The following NES variants were observed in gnomAD, a reference collection of about 807,000 sequenced individuals.
NES encodes the protein nestin.
A neutral mutation model predicts 35.6 loss-of-function variants in NES; 27 were observed. That is an observed-to-expected ratio of 0.76 (90% CI 0.56 to 1.04). NES has a LOEUF of 1.04. Ranked by LOEUF, NES falls within the 50% of genes least tolerant of loss-of-function variation. NES has a pLI of 0.00. For missense variants in NES, 1,867 were observed against 1,983.6 expected (o/e 0.94, Z 1.12); for synonymous variants, 822 against 824.2 (o/e 1.00, Z 0.04).
At position 156,668,865 on chromosome 1, in the gene NES, A is replaced by G. The variant is rs1008653791; in HGVS notation, c.*457T>C. 2 of 156,512 alleles carry G rather than the reference A, an allele frequency of 1.3e-5. No homozygotes were observed. Among genetic ancestry groups the G allele is most frequent in the South Asian group, 2.0e-4 (1 of 4,914 alleles). The allele number at this position is 156,512 out of a possible 1,614,324, so 9.7% of individuals were successfully genotyped here. A position where few individuals can be genotyped will look rare whatever the true frequency, so the allele number is the denominator to read the frequency against. ...AGCACATGGGAGTGCCGTCACCTCC[A>G]TTAGCCACAGGCCAGACGGCCCAGG... On this transcript the variant is annotated 3_prime_UTR_variant, in exon 4 of 4. Transcript: ENST00000368223.
chr1:156,670,651 G>T lies in NES; in HGVS notation c.3537C>A (p.Ala1179=). ...REGREESEAE[A]PRGAEEAFPA... ...GGAACGCCTCCTCTGCTCCCCTGGG[G>T]GCCTCAGCCTCTGACTCCTCCCTAC... Residue 1179 remains alanine (A), a synonymous_variant, in exon 4 of 4, where the codon GCC becomes GCA. Coordinates refer to ENST00000368223, the MANE Select transcript of NES (RefSeq NM_006617.2). 6.2e-7 allele frequency: 1 copy of T among 1,613,938 alleles called. No individual in the cohort carries two copies. Among genetic ancestry groups the T allele is most frequent in the Non-Finnish European group, 8.5e-7 (1 of 1,179,950 alleles).
At chr1:156,674,404 G>A (rs1679797876) in intron 2 of NES, among the ~76,000 whole-genome samples, 1 of 152,184 alleles carries the variant, frequency 6.6e-6, no homozygotes, top group South Asian at 2.1e-4. Flanking sequence ...CTTCCCTGGC[G>A]GTGGAGCCCC....
chr1:156,675,461 G>A, intron 1 of NES, 121 bp from the exon 2 acceptor site: 1 of 1,203,348 alleles, frequency 8.3e-7, no homozygotes, highest in Non-Finnish European at 1.1e-6. Flanking sequence ...ACTTATCTGT[G>A]TAGCAGACCC....
In NES at chr1:156,670,654, C is replaced by T. The variant is rs1245016544; in HGVS notation, c.3534G>A (p.Glu1178=). 2 of 1,613,940 alleles carry T rather than the reference C, an allele frequency of 1.2e-6. No homozygotes were observed. Among genetic ancestry groups the T allele is most frequent in the Admixed American group, 1.7e-5 (1 of 60,024 alleles). The change falls in exon 4 of 4, where the codon GAG becomes GAA. Residue 1178 remains glutamate (E), a synonymous_variant. Transcript: ENST00000368223. The stretch of plus-strand genomic sequence containing the variant: ...ACGCCTCCTCTGCTCCCCTGGGGGC[C>T]TCAGCCTCTGACTCCTCCCTACCCT... ...PREGREESEA[E]APRGAEEAFP...
intron 1 of NES, among the ~76,000 whole-genome samples, chr1:156,675,723 A>G (rs1024070833): frequency 6.6e-6 from 1 of 152,178 alleles, no homozygotes; most frequent in Non-Finnish European, 1.5e-5. Context: ...ACGATTAATC[A>G]AGATGCCTGG....
Position 156,672,553 on chromosome 1 carries a change from G to A in NES, c.1635C>T (p.Thr545=). Residue 545 remains threonine, a synonymous_variant, in exon 4 of 4, where the codon ACC becomes ACT. Coordinates refer to ENST00000368223, the MANE Select transcript of NES (RefSeq NM_006617.2). ...GAATCTCCTCTCCCAGAGACTTCAG[G>A]GTTTCTTTTTCCAAAGGAACCTGGG... ...QDSQVPLEKE[T]LKSLGEEIQE... 1 of 1,613,806 alleles carries A rather than the reference G, an allele frequency of 6.2e-7. No homozygotes were observed. The highest frequency in any genetic ancestry group is 8.5e-7 in the Non-Finnish European group (1 of 1,179,978).
rs1343751646 is a variant in NES, at chr1:156,672,440, A to G, written c.1748T>C (p.Leu583Ser). The change falls in exon 4 of 4, where the codon TTA becomes TCA. Residue 583 changes from leucine to serine, a missense_variant. Physicochemically the swap from Leu to Ser is moderately radical, Grantham distance 145. Coordinates refer to ENST00000368223, the MANE Select transcript of NES (RefSeq NM_006617.2). ...CTTTTCTAGACTTTTTAGTGTTTCT[A>G]AGTCTTCTTCTAAAGACCTCGGACA... The part of the protein sequence containing the change: ...QECPRSLEED[L>S]ETLKSLEKEN... 6.2e-7 allele frequency: 1 copy of G among 1,611,254 alleles called. No homozygotes were observed. Among genetic ancestry groups the G allele is most frequent in the Non-Finnish European group, 8.5e-7 (1 of 1,179,436 alleles).
At position 156,670,464 on chromosome 1, in the gene NES, T is replaced by A; in HGVS notation, c.3724A>T (p.Ser1242Cys). 1 of 1,566,494 alleles carries A rather than the reference T, an allele frequency of 6.4e-7. No individual in the cohort carries two copies. Among genetic ancestry groups the A allele is most frequent in the Non-Finnish European group, 8.7e-7 (1 of 1,155,738 alleles). Residue 1242 changes from serine to cysteine, a missense_variant, in exon 4 of 4, where the codon AGT (serine) becomes TGT (cysteine). Transcript: ENST00000368223. ...TGCACCCCCCAGCTAGCCTCCTGAC[T>A]CCCTTCAGCCTGAGGCTGAGGCCCA... is the stretch of plus-strand genomic sequence containing the variant. ...APGPQPQAEGSQEASWGVQGR... is the reference protein window; with the variant it reads ...APGPQPQAEGCQEASWGVQGR...
In NES at chr1:156,669,102, C is replaced by T. The variant is rs1229423863; in HGVS notation, c.*220G>A. 2.3e-6 allele frequency: 1 copy of T among 428,918 alleles called. No homozygotes were observed. Among genetic ancestry groups the T allele is most frequent in the Non-Finnish European group, 4.1e-6 (1 of 243,128 alleles). 26.6% of individuals were successfully genotyped at this position (428,918 alleles called of 1,614,324 possible). On this transcript the variant is annotated 3_prime_UTR_variant, in exon 4 of 4. Coordinates refer to ENST00000368223, the MANE Select transcript of NES (RefSeq NM_006617.2). ...ATGAGATGGAGCAGGCAAGAGATTC[C>T]CTTTGCAGGGTGGGAGGTTATATTC... is the stretch of plus-strand genomic sequence containing the variant.
At chr1:156,675,784 T>G (rs769186755) in intron 1 of NES, among the ~76,000 whole-genome samples, 16 of 151,942 alleles carry the variant, frequency 1.1e-4, no homozygotes, top group Non-Finnish European at 2.1e-4. Context: ...TGGTCCCATC[T>G]CCCACAACTG....
chr1:156,674,122 C>T (rs1177241710), intron 2 of NES, among the ~76,000 whole-genome samples: 1 of 152,182 alleles, frequency 6.6e-6, no homozygotes, highest in Non-Finnish European at 1.5e-5. Context: ...CAGACCCTTC[C>T]CCTTGGTGGC....
chr1:156,676,830 C>A lies in NES; in HGVS notation c.435G>T (p.Glu145Asp). 1.4e-6 allele frequency: 2 copies of A among 1,452,176 alleles called. No homozygotes were observed. Among genetic ancestry groups the A allele is most frequent in the Non-Finnish European group, 1.8e-6 (2 of 1,116,052 alleles). 90.0% of individuals were successfully genotyped at this position (1,452,176 alleles called of 1,614,324 possible). ...GCGCGTTCAGGCCGACGCGCTCCTC[C>A]TCGTGCGCCACGCGTAGAGCCTCTA... ...RELEALRVAH[E>D]EERVGLNAQA... Residue 145 changes from glutamate to aspartate, a missense_variant, in exon 1 of 4, where the codon GAG becomes GAT. Physicochemically the swap from Glu to Asp is conservative, Grantham distance 45. Transcript: ENST00000368223. This position sits in a 1 kb window ranked among gnomAD's most constrained non-coding sequence, Gnocchi z 5.3.
intron 2 of NES, among the ~76,000 whole-genome samples, chr1:156,674,512 G>T (rs1679799198): frequency 6.6e-6 from 1 of 151,884 alleles, no homozygotes; most frequent in African/African-American, 2.4e-5. Flanking sequence ...ACCAGCCACA[G>T]AGCCCCTTCC....
chr1:156,674,876 G>T (rs1679809360), intron 2 of NES, among the ~76,000 whole-genome samples: 1 of 152,214 alleles, frequency 6.6e-6, no homozygotes, highest in East Asian at 1.9e-4. Flanking sequence ...CCTGGGTGCG[G>T]GCACACATAG....
chr1:156,670,723 G>A lies in NES; in HGVS notation c.3465C>T (p.Ser1155=), dbSNP rs143618500. 31 of 1,613,984 alleles carry A rather than the reference G, an allele frequency of 1.9e-5. 1 individual carries two copies. Among genetic ancestry groups the A allele is most frequent in the South Asian group, 1.9e-4 (17 of 91,078 alleles). The change falls in exon 4 of 4, where the codon TCC becomes TCT. Residue 1155 remains serine (S), a synonymous_variant. Transcript: ENST00000368223. The part of the protein sequence containing the change: ...EEAGGLGTEF[S]ELPGKSRDPW... ...GGTCTCTGCTCTTCCCAGGCAGCTC[G>A]GAGAACTCTGTCCCCAGACCACCTG...
chr1:156,670,588 A>AG lies in NES; in HGVS notation c.3599dup (p.Ser1201PhefsTer11). On this transcript the variant is annotated frameshift_variant, in exon 4 of 4. Coordinates refer to ENST00000368223, the MANE Select transcript of NES (RefSeq NM_006617.2). LOFTEE classifies it low-confidence loss of function (END_TRUNC). ...CCTCTGACCCCAGAGGCCAAGGTGA[A>AG]GGGGCATCACTTCCAGTGTGGCCCA... The AG allele has an allele frequency of 6.2e-7, 1 of 1,613,570 alleles. No homozygotes were observed.
intron 2 of NES, among the ~76,000 whole-genome samples, chr1:156,674,076 C>A (rs532972918): frequency 6.6e-6 from 1 of 152,154 alleles, no homozygotes; most frequent in Non-Finnish European, 1.5e-5. Context: ...CCTTTTCATG[C>A]CTCAAAAAAT....
chr1:156,677,016 G>A lies in NES; in HGVS notation c.249C>T (p.Asn83=), dbSNP rs775975787. ...EKHAAEVARD[N]LAEELEGVAG... ...CCACGCCCTCCAGCTCTTCAGCCAG[G>A]TTGTCGCGCGCCACCTCGGCCGCGT... Residue 83 remains asparagine (N), a synonymous_variant, in exon 1 of 4, where the codon AAC becomes AAT. Transcript: ENST00000368223. This position sits in a 1 kb window ranked among gnomAD's most constrained non-coding sequence, Gnocchi z 4.5. 4.4e-6 allele frequency: 7 copies of A among 1,586,546 alleles called. No homozygotes were observed. Among genetic ancestry groups the A allele is most frequent in the Non-Finnish European group, 6.0e-6 (7 of 1,170,788 alleles).
At chr1:156,674,103 G>A (rs758170562) in intron 2 of NES, among the ~76,000 whole-genome samples, 3 of 152,036 alleles carry the variant, frequency 2.0e-5, no homozygotes, top group Admixed American at 6.6e-5. Context: ...TAAATTCCTC[G>A]GGGCCCACCA....
Sources: allele counts gnomAD v4.1 joint callset (sites outside exome capture counted in the v4.1 genomes callset), GRCh38; gene constraint gnomAD v4.1.1; non-coding constraint Gnocchi (gnomAD v3.1); transcripts MANE v1.5; gene names NCBI Gene and HGNC (gene_info 2026-07-23, HGNC 2026-07-21).